Variants in NRXN1 observed in about 807,000 individuals in gnomAD.
The protein encoded by NRXN1 is neurexin-1.
Under a neutral mutation model 150.9 loss-of-function variants are expected in NRXN1, and 39 were observed. That is an observed-to-expected ratio of 0.26 (90% CI 0.20 to 0.34). The LOEUF (loss-of-function observed/expected upper bound fraction) is 0.34. Ranked by LOEUF, NRXN1 falls within the 10% of genes least tolerant of loss-of-function variation. The pLI, the probability that NRXN1 is intolerant of heterozygous loss-of-function variation, is 1.00. For missense variants in NRXN1, 1,815 were observed against 1,949.9 expected, an observed-to-expected ratio of 0.93 and a Z score of 1.30; for synonymous variants, 924 against 757.0, an observed-to-expected ratio of 1.22 and a Z score of -3.62.
chr2:50,158,328 T>C (rs998758725), intron 18 of NRXN1, among the ~76,000 whole-genome samples: 9 of 151,608 alleles, frequency 5.9e-5, no homozygotes, highest in African/African-American at 2.2e-4. Context: ...TTTAACATAA[T>C]TTAACTAAGG....
At chr2:50,939,630 T>C (rs568039503) in intron 2 of NRXN1, among the ~76,000 whole-genome samples, 28 of 152,256 alleles carry the variant, frequency 1.8e-4, no homozygotes, top group Admixed American at 1.5e-3. Flanking sequence ...ATTCTCAGGA[T>C]TTTGGTCCAA....
At chr2:50,043,088 T>G (rs1425813921) in intron 21 of NRXN1, among the ~76,000 whole-genome samples, 2 of 152,170 alleles carry the variant, frequency 1.3e-5, no homozygotes, top group Admixed American at 1.3e-4. Context: ...ACTAATAGCA[T>G]ACCAAATACA....
intron 5 of NRXN1, among the ~76,000 whole-genome samples, chr2:50,816,330 T>A (rs1242843982): frequency 6.6e-6 from 1 of 152,122 alleles, no homozygotes; most frequent in African/African-American, 2.4e-5. Flanking sequence ...CAGTGTCTCC[T>A]GGGTGGCAGA....
At chr2:49,950,897 C>G (rs138272774) in intron 21 of NRXN1, among the ~76,000 whole-genome samples, 14 of 152,078 alleles carry the variant, frequency 9.2e-5, no homozygotes, top group Non-Finnish European at 1.5e-4. Context: ...AATGTTCTTT[C>G]CCAATTGATG....
intron 18 of NRXN1, among the ~76,000 whole-genome samples, chr2:50,210,537 T>G (rs1455539329): frequency 6.6e-6 from 1 of 151,814 alleles, no homozygotes; most frequent in Admixed American, 6.6e-5. Flanking sequence ...TCACTGATAG[T>G]GATCATTTAG....
At chr2:50,514,143 G>A (rs188315403) in intron 12 of NRXN1, among the ~76,000 whole-genome samples, 159 of 152,136 alleles carry the variant, frequency 1.0e-3, no homozygotes, top group African/African-American at 3.4e-3. Context: ...ACCATTTATC[G>A]AGCATGAAGA....
Position 50,347,289 on chromosome 2 carries a change from G to A in NRXN1, c.3365-110319C>T. The A allele has an allele frequency of 7.8e-7, 1 of 1,289,012 alleles. No homozygotes were observed. Among genetic ancestry groups the A allele is most frequent in the Non-Finnish European group, 1.0e-6 (1 of 991,448 alleles). 79.8% of individuals were successfully genotyped at this position (1,289,012 alleles called of 1,614,324 possible). ...CGAGAGATACTCCCAAAGAGTTTCGGGCGAGAGTGCGTGCCGGCGGGTGGG... is the reference window on the plus strand; with the variant it reads ...CGAGAGATACTCCCAAAGAGTTTCGAGCGAGAGTGCGTGCCGGCGGGTGGG... On this transcript the variant is annotated intron_variant, in intron 17 of 22. Coordinates refer to ENST00000401669, the MANE Select transcript of NRXN1 (RefSeq NM_001330078.2). This position sits in a 1 kb window ranked among gnomAD's most constrained non-coding sequence, Gnocchi z 4.9.
intron 18 of NRXN1, among the ~76,000 whole-genome samples, chr2:50,101,146 G>A (rs956829062): frequency 7.2e-5 from 11 of 151,904 alleles, no homozygotes; most frequent in African/African-American, 2.7e-4. Flanking sequence ...ACCCTTGTTG[G>A]AATGTTAAAT....
chr2:50,079,606 T>C (rs781104715), intron 19 of NRXN1, among the ~76,000 whole-genome samples: 1 of 152,134 alleles, frequency 6.6e-6, no homozygotes, highest in Non-Finnish European at 1.5e-5. Flanking sequence ...ATATTTTTCC[T>C]ATATTCTCCT....
intron 21 of NRXN1, among the ~76,000 whole-genome samples, chr2:50,046,198 C>T (rs1392319866): frequency 6.6e-6 from 1 of 152,164 alleles, no homozygotes; most frequent in Non-Finnish European, 1.5e-5. Context: ...GACAGCTCTT[C>T]GTTGTCCAGG....
chr2:50,477,249 C>T (rs142314901), intron 15 of NRXN1, among the ~76,000 whole-genome samples: 2 of 151,862 alleles, frequency 1.3e-5, no homozygotes, highest in African/African-American at 4.8e-5. Flanking sequence ...TGACTGCTGG[C>T]TGAAAAAAAT....
At chr2:50,467,939 G>T (rs947227920) in intron 16 of NRXN1, among the ~76,000 whole-genome samples, 1 of 151,372 alleles carries the variant, frequency 6.6e-6, no homozygotes, top group Middle Eastern at 3.4e-3. Flanking sequence ...ACTGTGAGAG[G>T]GAAGTGGTCT....
intron 5 of NRXN1, among the ~76,000 whole-genome samples, chr2:50,676,213 C>T (rs1292043711): frequency 6.6e-6 from 1 of 152,112 alleles, no homozygotes; most frequent in Non-Finnish European, 1.5e-5. Flanking sequence ...TCCTCATTCA[C>T]CTTCTGTCAT....
At chr2:49,991,674 A>G (rs1450686735) in intron 21 of NRXN1, among the ~76,000 whole-genome samples, 1 of 152,186 alleles carries the variant, frequency 6.6e-6, no homozygotes, top group Non-Finnish European at 1.5e-5. Context: ...TCCCAACTTG[A>G]TTTATAGCTT....
At chr2:50,009,414 T>TA (rs1220435122) in intron 21 of NRXN1, among the ~76,000 whole-genome samples, 7 of 152,120 alleles carry the variant, frequency 4.6e-5, no homozygotes, top group Non-Finnish European at 1.0e-4. Context: ...TCAAGTAACT[T>TA]AAAAAATAAC....
intron 21 of NRXN1, among the ~76,000 whole-genome samples, chr2:50,029,491 C>T (rs1312603673): frequency 2.6e-5 from 4 of 152,046 alleles, no homozygotes; most frequent in Non-Finnish European, 4.4e-5. Flanking sequence ...GGATCCTAAT[C>T]CAACAGGACT....
At chr2:50,683,896 G>A (rs1024206045) in intron 5 of NRXN1, among the ~76,000 whole-genome samples, 2 of 151,342 alleles carry the variant, frequency 1.3e-5, no homozygotes, top group African/African-American at 4.9e-5. Context: ...AAAGGAGCAA[G>A]AAAAGTTTTC....
At chr2:50,455,042 G>C (rs1483112645) in intron 17 of NRXN1, among the ~76,000 whole-genome samples, 1 of 152,098 alleles carries the variant, frequency 6.6e-6, no homozygotes, top group African/African-American at 2.4e-5. Context: ...ATAAAGAAAA[G>C]GTATTGACTA....
chr2:50,935,182 A>G (rs1038371859), intron 2 of NRXN1, among the ~76,000 whole-genome samples: 7 of 152,210 alleles, frequency 4.6e-5, no homozygotes, highest in Non-Finnish European at 8.8e-5. Context: ...ATTCTCTTAT[A>G]GGTCAAAGAC....
Sources: gnomAD v4.1 joint callset for allele counts (sites outside exome capture counted in the v4.1 genomes callset) on GRCh38, gnomAD v4.1.1 for gene constraint, Gnocchi (gnomAD v3.1) non-coding constraint, MANE v1.5 for transcripts, NCBI Gene and HGNC (gene_info 2026-07-23, HGNC 2026-07-21) for gene names.